Variants in PJA2 observed in about 807,000 individuals in gnomAD.
PJA2 encodes praja ring finger ubiquitin ligase 2, also known as E3 ubiquitin-protein ligase Praja-2.
In PJA2, 25 loss-of-function variants were observed where a neutral mutation model predicts 69.3. That is an observed-to-expected ratio of 0.36 (90% CI 0.26 to 0.50). The LOEUF is 0.50. Ranked by LOEUF, PJA2 falls within the 20% of genes least tolerant of loss-of-function variation. The pLI is 0.96. For synonymous variants in PJA2, 308 were observed against 277.8 expected, an observed-to-expected ratio of 1.11 and a Z score of -1.08; for missense variants, 809 against 830.2, an observed-to-expected ratio of 0.97 and a Z score of 0.31.
intron 7 of PJA2, among the ~76,000 whole-genome samples, chr5:109,352,138 A>G (rs1302608276): frequency 6.6e-6 from 1 of 152,176 alleles, no homozygotes; most frequent in African/African-American, 2.4e-5. Flanking sequence ...CACTGAGTTC[A>G]CTATTGGTAG....
chr5:109,364,111 C>G (rs1434598107), intron 5 of PJA2, among the ~76,000 whole-genome samples: 3 of 152,074 alleles, frequency 2.0e-5, no homozygotes, highest in Admixed American at 1.3e-4. Flanking sequence ...CCACTGCACT[C>G]CAGCCTGGGC....
chr5:109,378,350 T>C lies in PJA2; in HGVS notation c.1137A>G (p.Pro379=), dbSNP rs757375692. Reference sequence around the variant, plus strand: ...CCCTTTGTGTAATAACTCTTGAGTATGGTGGATCCAAGAACATACAGTCAT... The same window carrying C: ...CCCTTTGTGTAATAACTCTTGAGTACGGTGGATCCAAGAACATACAGTCAT... The part of the protein sequence containing the change: ...GEHDCMFLDP[P]YSRVITQRET... The change falls in exon 4 of 10, where the codon CCA becomes CCG. Residue 379 remains proline (P), a synonymous_variant. Transcript: ENST00000361189. The C allele has an allele frequency of 1.1e-5, 18 of 1,614,072 alleles. No homozygotes were observed. In the East Asian group the frequency reaches 2.2e-4, roughly 20 times the overall value.
chr5:109,402,889 T>C (rs917343176), intron 1 of PJA2, among the ~76,000 whole-genome samples: 2 of 151,870 alleles, frequency 1.3e-5, no homozygotes, highest in African/African-American at 4.8e-5. Context: ...TTAAAAAAAA[T>C]CAGTGCATCA....
In PJA2 at chr5:109,354,133, G is replaced by GATAT. The variant is rs1435398633; in HGVS notation, c.1764+1781_1764+1782insATAT. Among the ~76,000 whole-genome samples the GATAT allele has an allele frequency of 1.8e-4, 21 of 115,588 alleles. 1 individual carries two copies. The highest frequency in any genetic ancestry group is 3.2e-4 in the Non-Finnish European group (17 of 53,336). The allele number at this position is 115,588 out of a possible 152,430, so 75.8% of individuals were successfully genotyped here. ...AGATTAGATATCTATGGTATCTAGA[G>GATAT]CTGTCTATAGATTAGATATCTATGA... On this transcript the variant is annotated intron_variant, in intron 7 of 9. Coordinates refer to ENST00000361189, the MANE Select transcript of PJA2 (RefSeq NM_014819.5).
chr5:109,380,058 G>C (rs572818930), intron 3 of PJA2, among the ~76,000 whole-genome samples: 124 of 150,832 alleles, frequency 8.2e-4, no homozygotes, highest in South Asian at 3.1e-3. Context: ...TGGTACGAAG[G>C]GTTCTTTGAT....
intron 1 of PJA2, among the ~76,000 whole-genome samples, chr5:109,388,100 TG>T (rs1166144086): frequency 2.6e-5 from 4 of 152,174 alleles, no homozygotes; most frequent in African/African-American, 9.7e-5. Context: ...TGACTGTGTG[TG>T]ATGTGCAAGA....
At chr5:109,359,362 G>A (rs1344554230) in intron 6 of PJA2, among the ~76,000 whole-genome samples, 1 of 151,974 alleles carries the variant, frequency 6.6e-6, no homozygotes. Context: ...CTAGTGCACA[G>A]GGATCAGCAC....
At chr5:109,378,081 A>C in intron 4 of PJA2, 123 bp downstream of exon 4, 1 of 681,470 alleles carries the variant, frequency 1.5e-6, no homozygotes, top group Non-Finnish European at 2.4e-6. Context: ...AAATAAAAAT[A>C]TTTGGTAAGT....
At chr5:109,349,023 T>C (rs899870901) in intron 7 of PJA2, among the ~76,000 whole-genome samples, 2 of 152,220 alleles carry the variant, frequency 1.3e-5, no homozygotes, top group African/African-American at 2.4e-5. Context: ...TGTGGAGTAA[T>C]GCATAACTAG....
chr5:109,402,297 G>A (rs1747571154), intron 1 of PJA2, among the ~76,000 whole-genome samples: 1 of 152,000 alleles, frequency 6.6e-6, no homozygotes, highest in Non-Finnish European at 1.5e-5. Flanking sequence ...AATTAAAAAA[G>A]GCTGTCTAGA....
intron 7 of PJA2, among the ~76,000 whole-genome samples, chr5:109,349,161 T>C (rs1762212486): frequency 1.3e-5 from 2 of 152,230 alleles, no homozygotes; most frequent in Admixed American, 6.5e-5. Context: ...GAAATTTAAA[T>C]GTGCATTGAA....
At chr5:109,401,620 C>T (rs1307588495) in intron 1 of PJA2, among the ~76,000 whole-genome samples, 2 of 152,120 alleles carry the variant, frequency 1.3e-5, no homozygotes, top group Non-Finnish European at 2.9e-5. Flanking sequence ...TAGAAAAACA[C>T]TGTGAACAAT....
At chr5:109,372,094 C>T (rs1561353965) in intron 4 of PJA2, among the ~76,000 whole-genome samples, 1 of 152,142 alleles carries the variant, frequency 6.6e-6, no homozygotes, top group East Asian at 1.9e-4. Context: ...CCATTAAGTC[C>T]TGAATTTGAT....
Position 109,378,451 on chromosome 5 carries a change from A to G in PJA2, c.1036T>C (p.Trp346Arg), listed in dbSNP as rs762108637. The G allele has an allele frequency of 3.4e-5, 55 of 1,613,966 alleles. No homozygotes were observed. Among genetic ancestry groups the G allele is most frequent in the Non-Finnish European group, 4.6e-5 (54 of 1,180,014 alleles). ...HEAKQRSVQR[W>R]REALEVEESG... The stretch of plus-strand genomic sequence containing the variant: ...TCCTCAACTTCCAAAGCCTCTCTCC[A>G]TCTTTGAACACTTCTTTGTTTCGCC... Residue 346 changes from tryptophan (W) to arginine (R), a missense_variant, in exon 4 of 10, where the codon TGG becomes CGG. Transcript: ENST00000361189.
intron 7 of PJA2, among the ~76,000 whole-genome samples, chr5:109,354,548 ATAT>A (rs1762374901): frequency 7.3e-6 from 1 of 137,214 alleles, no homozygotes; most frequent in African/African-American, 2.8e-5. Flanking sequence ...ATAGATATCT[ATAT>A]CGATATTAGA....
chr5:109,347,960 G>A (rs761608179), intron 7 of PJA2, among the ~76,000 whole-genome samples: 1 of 152,174 alleles, frequency 6.6e-6, no homozygotes, highest in South Asian at 2.1e-4. Context: ...GTGGTCCCGG[G>A]ACACAGAACT....
intron 1 of PJA2, among the ~76,000 whole-genome samples, chr5:109,405,874 T>C: frequency 6.6e-6 from 1 of 151,926 alleles, no homozygotes; most frequent in East Asian, 1.9e-4. Context: ...AAAAAGTTGG[T>C]AAGATGAATT....
In PJA2 at chr5:109,358,543, C is replaced by T. The variant is rs80347234; in HGVS notation, c.1653-2517G>A. Among the ~76,000 whole-genome samples, 831 of 152,258 alleles carry T rather than the reference C, an allele frequency of 5.5e-3. 55 individuals carry two copies. The East Asian group carries it at 0.14, about 25-fold the overall frequency. On this transcript the variant is annotated intron_variant, in intron 6 of 9. Transcript: ENST00000361189. ...TAGCGCCACTGGGTTAGGGTCTCCC[C>T]AGCCAAGCGGGTCTCAGCAAATCCC... is the stretch of plus-strand genomic sequence containing the variant.
intron 5 of PJA2, among the ~76,000 whole-genome samples, chr5:109,367,629 G>T (rs1039840397): frequency 1.4e-4 from 22 of 152,068 alleles, no homozygotes; most frequent in Non-Finnish European, 2.4e-4. Flanking sequence ...GTACCAAACT[G>T]ATATTGAAAC....
Sources: gnomAD v4.1 joint callset for allele counts (sites outside exome capture counted in the v4.1 genomes callset) on GRCh38, gnomAD v4.1.1 for gene constraint, MANE v1.5 for transcripts, NCBI Gene and HGNC (gene_info 2026-07-23, HGNC 2026-07-21) for gene names.